SV2C: variants seen among roughly 807,000 people sequenced by gnomAD.
The protein encoded by SV2C is synaptic vesicle glycoprotein 2C.
Under a neutral mutation model 79.7 loss-of-function variants are expected in SV2C, and 49 were observed. The observed-to-expected ratio is 0.61, with a 90% confidence interval of 0.49 to 0.78. The LOEUF (loss-of-function observed/expected upper bound fraction) is 0.78. SV2C is among the 30% of genes least tolerant of loss of function. The pLI is 0.00. For synonymous variants in SV2C, 334 were observed against 333.2 expected, an observed-to-expected ratio of 1.00 and a Z score of -0.03; for missense variants, 833 against 912.9, an observed-to-expected ratio of 0.91 and a Z score of 1.13.
the SV2C span, among the ~76,000 whole-genome samples, chr5:76,007,605 G>A: frequency 5.5e-4 from 83 of 152,216 alleles, no homozygotes; most frequent in African/African-American, 1.9e-3. Context: ...GGGTAAGTTA[G>A]TACATTTGAG....
intron 3 of SV2C, among the ~76,000 whole-genome samples, chr5:76,208,192 C>A (rs1189491840): frequency 6.6e-6 from 1 of 152,142 alleles, no homozygotes; most frequent in African/African-American, 2.4e-5. Context: ...CACTGTGACC[C>A]ATTATATATT....
intron 10 of SV2C, among the ~76,000 whole-genome samples, chr5:76,300,378 T>C (rs991476587): frequency 1.6e-4 from 24 of 152,082 alleles, no homozygotes; most frequent in African/African-American, 5.6e-4. Context: ...ACTATAATGA[T>C]AGTCTTTATG....
At chr5:75,911,348 G>C in the SV2C span, 2 of 1,302,760 alleles carry the variant, frequency 1.5e-6, no homozygotes, top group Non-Finnish European at 2.2e-6. Flanking sequence ...CTCCAAACCC[G>C]CACAGAAAAT....
At chr5:75,863,094 A>C in the SV2C span, among the ~76,000 whole-genome samples, 1 of 152,022 alleles carries the variant, frequency 6.6e-6, no homozygotes, top group Admixed American at 6.6e-5. Flanking sequence ...GCCAGGGGAA[A>C]CTGGTAAATG....
the SV2C span, chr5:75,911,771 G>A: frequency 1.7e-6 from 1 of 596,764 alleles, no homozygotes; most frequent in Non-Finnish European, 3.3e-6. Flanking sequence ...TCCTCGGAGG[G>A]CCAAGACCAG....
chr5:76,341,873 G>C (rs1016655925), intron 12 of SV2C, among the ~76,000 whole-genome samples: 1 of 152,086 alleles, frequency 6.6e-6, no homozygotes, highest in African/African-American at 2.4e-5. Context: ...GTGGGGAGGG[G>C]GTGGAACCTT....
the SV2C span, among the ~76,000 whole-genome samples, chr5:75,986,643 A>G: frequency 2.6e-5 from 4 of 152,036 alleles, no homozygotes; most frequent in African/African-American, 9.7e-5. Flanking sequence ...GTAGTTACTT[A>G]TTCTAGGCTT....
chr5:76,348,081 T>A (rs1233132576), intron 12 of SV2C, among the ~76,000 whole-genome samples: 1 of 152,220 alleles, frequency 6.6e-6, no homozygotes, highest in Non-Finnish European at 1.5e-5. Flanking sequence ...TATTCATTCC[T>A]CTTTCAGCAC....
intron 4 of SV2C, among the ~76,000 whole-genome samples, chr5:76,216,331 T>A (rs2112367428): frequency 6.6e-6 from 1 of 152,228 alleles, no homozygotes; most frequent in Admixed American, 6.5e-5. Flanking sequence ...TTGGCTGTGG[T>A]CACACCAGCA....
At chr5:76,255,580 C>G (rs1746238506) in intron 4 of SV2C, among the ~76,000 whole-genome samples, 1 of 152,202 alleles carries the variant, frequency 6.6e-6, no homozygotes, top group Non-Finnish European at 1.5e-5. Context: ...CTCTGTCTGT[C>G]TAGCCAGGCA....
chr5:75,949,936 T>C, the SV2C span, among the ~76,000 whole-genome samples: 1 of 152,002 alleles, frequency 6.6e-6, no homozygotes, highest in African/African-American at 2.4e-5. Flanking sequence ...GATATTGTTG[T>C]AAGAAAAACG....
intron 4 of SV2C, among the ~76,000 whole-genome samples, chr5:76,216,443 C>T (rs1438863116): frequency 1.3e-5 from 2 of 152,258 alleles, no homozygotes; most frequent in African/African-American, 4.8e-5. Flanking sequence ...GAGCAACAAA[C>T]TGAGAAGGAA....
At chr5:75,873,086 A>G in the SV2C span, among the ~76,000 whole-genome samples, 28 of 152,176 alleles carry the variant, frequency 1.8e-4, no homozygotes, top group Non-Finnish European at 2.4e-4. Context: ...ATATCTGTAC[A>G]TCAAAATCAT....
rs1561320905 is a variant in SV2C, at chr5:76,329,677, C to T, written c.*4130C>T. On this transcript the variant is annotated 3_prime_UTR_variant, in exon 13 of 13. Coordinates refer to ENST00000502798, the MANE Select transcript of SV2C (RefSeq NM_014979.4). ...GTCCAGGGGAATACTTTCTGATTCC[C>T]TCTGCCAATCAAAATAGATAGAATA... is the stretch of plus-strand genomic sequence containing the variant. 1 of 152,182 alleles carries T rather than the reference C, an allele frequency of 6.6e-6. No homozygotes were observed. The highest frequency in any genetic ancestry group is 1.5e-5 in the Non-Finnish European group (1 of 68,018). The allele number at this position is 152,182 out of a possible 1,614,324, so 9.4% of individuals were successfully genotyped here.
At chr5:76,068,512 G>C in the SV2C span, among the ~76,000 whole-genome samples, 1 of 152,098 alleles carries the variant, frequency 6.6e-6, no homozygotes, top group Non-Finnish European at 1.5e-5. Context: ...GTGTGTGCAT[G>C]TGTGTGTTTG....
chr5:75,918,917 A>T, the SV2C span, among the ~76,000 whole-genome samples: 1 of 152,248 alleles, frequency 6.6e-6, no homozygotes. Context: ...GGTAGTACGT[A>T]TGTGAAGCGA....
chr5:76,073,503 G>GTGTATATATATA, the SV2C span, among the ~76,000 whole-genome samples: 43 of 67,428 alleles, frequency 6.4e-4, no homozygotes, highest in African/African-American at 2.1e-3. Context: ...GTATGTGTGT[G>GTGTATATATATA]TATATATATA....
chr5:76,144,464 A>G (rs1749357657), intron 2 of SV2C, among the ~76,000 whole-genome samples: 1 of 152,160 alleles, frequency 6.6e-6, no homozygotes, highest in Non-Finnish European at 1.5e-5. Context: ...GGCTGCTTTT[A>G]TTTATCTGGA....
chr5:75,925,755 A>T, the SV2C span, among the ~76,000 whole-genome samples: 1 of 123,578 alleles, frequency 8.1e-6, no homozygotes, highest in Non-Finnish European at 1.6e-5. Context: ...TTTTTTAAAA[A>T]ACAAAAAAAA....
Sources: gnomAD v4.1 joint callset for allele counts (sites outside exome capture counted in the v4.1 genomes callset) on GRCh38, gnomAD v4.1.1 for gene constraint, MANE v1.5 for transcripts, NCBI Gene and HGNC (gene_info 2026-07-23, HGNC 2026-07-21) for gene names.